RUNDC3A: variants seen among roughly 807,000 people sequenced by gnomAD.
RUNDC3A encodes the protein RUN domain-containing protein 3A.
In RUNDC3A, 28 loss-of-function variants were observed where a neutral mutation model predicts 53.9. The observed-to-expected ratio is 0.52, with a 90% confidence interval of 0.38 to 0.71. The LOEUF is 0.71. Ranked by LOEUF, RUNDC3A falls within the 30% of genes least tolerant of loss-of-function variation. RUNDC3A has a pLI of 0.00. For synonymous variants in RUNDC3A, 232 were observed against 249.4 expected, an observed-to-expected ratio of 0.93 and a Z score of 0.66; for missense variants, 491 against 597.3, an observed-to-expected ratio of 0.82 and a Z score of 1.85.
At position 44,315,773 on chromosome 17, in the gene RUNDC3A, A is replaced by G. The variant is rs999459798; in HGVS notation, c.953+164A>G. 3 of 541,386 alleles carry G rather than the reference A, an allele frequency of 5.5e-6. No individual in the cohort carries two copies. The highest frequency in any genetic ancestry group is 8.7e-6 in the Non-Finnish European group (3 of 343,462). 33.5% of individuals were successfully genotyped at this position (541,386 alleles called of 1,614,324 possible). Reference sequence around the variant, plus strand: ...CCAGCCCCACCCCGAGATGCCCACAATGATCTTCTAACATTGCCCCCAGCA... The same window carrying G: ...CCAGCCCCACCCCGAGATGCCCACAGTGATCTTCTAACATTGCCCCCAGCA... On this transcript the variant is annotated intron_variant, in intron 8 of 10. Transcript: ENST00000426726. This position sits in a 1 kb window ranked among gnomAD's most constrained non-coding sequence, Gnocchi z 6.1.
In RUNDC3A at chr17:44,316,659, A is replaced by C; in HGVS notation, c.1132A>C (p.Ser378Arg). Reference protein sequence around the residue: ...MSTEPLSAEASLSSDSQRLGE... With the variant: ...MSTEPLSAEARLSSDSQRLGE... ...CACGGAGCCGCTGTCAGCTGAAGCC[A>C]GTCTGAGCTCGGACTCCCAGCGCCT... The change falls in exon 10 of 11, where the codon AGT (serine) becomes CGT (arginine). Residue 378 changes from serine (S) to arginine (R), a missense_variant. Physicochemically the swap from Ser to Arg is moderately radical, Grantham distance 110. This residue lies in a region of RUNDC3A where 218 missense variants were observed against 208.2 expected (regional missense o/e 1.05). Transcript: ENST00000426726. 1 of 1,550,768 alleles carries C rather than the reference A, an allele frequency of 6.4e-7. No individual in the cohort carries two copies. Among genetic ancestry groups the C allele is most frequent in the Non-Finnish European group, 8.7e-7 (1 of 1,146,988 alleles).
chr17:44,311,481 C>A (rs1038201129), intron 1 of RUNDC3A: 1 of 360,438 alleles, frequency 2.8e-6, no homozygotes, highest in Non-Finnish European at 3.9e-6. Context: ...GAGAGTAATA[C>A]TAAGAGGACC....
Position 44,308,957 on chromosome 17 carries a change from G to A in RUNDC3A, c.107+18G>A. The A allele has an allele frequency of 6.4e-7, 1 of 1,567,018 alleles. No individual in the cohort carries two copies. Among genetic ancestry groups the A allele is most frequent in the Non-Finnish European group, 8.7e-7 (1 of 1,146,320 alleles). ...GTGTGCAGGTGGGCACCGCTAGTGG[G>A]CGGGGGCTGGGGTGGTGAGGGAGAG... On this transcript the variant is annotated intron_variant, in intron 1 of 10. Coordinates refer to ENST00000426726, the MANE Select transcript of RUNDC3A (RefSeq NM_001144825.2).
Position 44,315,170 on chromosome 17 carries a change from G to A in RUNDC3A, c.645G>A (p.Thr215=). 1 of 1,568,244 alleles carries A rather than the reference G, an allele frequency of 6.4e-7. No homozygotes were observed. The change falls in exon 7 of 11, where the codon ACG becomes ACA. Residue 215 remains threonine, a synonymous_variant. Coordinates refer to ENST00000426726, the MANE Select transcript of RUNDC3A (RefSeq NM_001144825.2). This position sits in a 1 kb window ranked among gnomAD's most constrained non-coding sequence, Gnocchi z 6.1. ...CTCTCCCAAGCTACGACTACCTGAC[G>A]GACGAGGAGGAGCGGCACAGCGCCG... ...LKFTQSYDYL[T]DEEERHSAES...
At chr17:44,317,381 G>T (rs1175928021) in intron 10 of RUNDC3A, 3 of 762,482 alleles carry the variant, frequency 3.9e-6, no homozygotes, top group African/African-American at 3.4e-5. Context: ...ATCCTCGGGG[G>T]CTCACAAACT....
intron 4 of RUNDC3A, 57 bp from the exon 5 acceptor site, chr17:44,314,672 TCTGGGG>T: frequency 4.3e-6 from 2 of 469,738 alleles, no homozygotes; most frequent in Non-Finnish European, 3.5e-6. Context: ...CAATAGCAGC[TCTGGGG>T]GGGGGGGGGG....
intron 8 of RUNDC3A, among the ~76,000 whole-genome samples, chr17:44,316,080 C>A (rs1324374269): frequency 6.6e-6 from 1 of 152,054 alleles, no homozygotes; most frequent in East Asian, 1.9e-4. Flanking sequence ...GCAAGATCCC[C>A]AAGACGATCT....
At chr17:44,311,025 T>G in intron 1 of RUNDC3A, 1 of 985,486 alleles carries the variant, frequency 1.0e-6, no homozygotes, top group Non-Finnish European at 1.2e-6. Flanking sequence ...CAGGTACGAT[T>G]GTTCCCATTT....
In RUNDC3A at chr17:44,315,413, C is replaced by T. The variant is rs1598329594; in HGVS notation, c.796-39C>T. ...GCGGGGATGGGGGCCGCGGCCGGGA[C>T]GTCCTCCCAGCCGCCCGGGCTGAGC... is the stretch of plus-strand genomic sequence containing the variant. On this transcript the variant is annotated intron_variant, in intron 7 of 10. Coordinates refer to ENST00000426726, the MANE Select transcript of RUNDC3A (RefSeq NM_001144825.2). This position sits in a 1 kb window ranked among gnomAD's most constrained non-coding sequence, Gnocchi z 6.1. 1.5e-6 allele frequency: 2 copies of T among 1,358,640 alleles called. No individual in the cohort carries two copies. The highest frequency in any genetic ancestry group is 1.9e-6 in the Non-Finnish European group (2 of 1,052,270). The allele number at this position is 1,358,640 out of a possible 1,614,324, so 84.2% of individuals were successfully genotyped here.
At position 44,308,873 on chromosome 17, in the gene RUNDC3A, T is replaced by C; in HGVS notation, c.41T>C (p.Leu14Pro). ...GTCCAGACCACCATGGCTCTGGGGC[T>C]GTCCTCCAAGAAAGCGTCCTCTCGC... ...SFVQTTMALG[L>P]SSKKASSRNV... Residue 14 changes from leucine (L) to proline (P), a missense_variant, in exon 1 of 11, where the codon CTG becomes CCG. Physicochemically the swap from Leu to Pro is moderately conservative, Grantham distance 98 (BLOSUM62 -3). Around this residue, in one of 2 missense-constraint regions of RUNDC3A, gnomAD observed 273 missense variants for 389.0 expected, o/e 0.70. Transcript: ENST00000426726. The C allele has an allele frequency of 6.2e-7, 1 of 1,612,180 alleles. No individual in the cohort carries two copies. Among genetic ancestry groups the C allele is most frequent in the Non-Finnish European group, 8.5e-7 (1 of 1,179,098 alleles).
At position 44,316,474 on chromosome 17, in the gene RUNDC3A, G is replaced by C. The variant is rs916530588; in HGVS notation, c.1043G>C (p.Gly348Ala). The C allele has an allele frequency of 1.9e-6, 3 of 1,613,476 alleles. No individual in the cohort carries two copies. The highest frequency in any genetic ancestry group is 2.5e-6 in the Non-Finnish European group (3 of 1,179,858). ...CTGGTCAATCAATGGCCCTCACTGG[G>C]AACGCTTAATGGGGCCGAGGGCGCC... ...TPLVNQWPSL[G>A]TLNGAEGASN... The change falls in exon 9 of 11, where the codon GGA becomes GCA. Residue 348 changes from glycine (G) to alanine (A), a missense_variant. Coordinates refer to ENST00000426726, the MANE Select transcript of RUNDC3A (RefSeq NM_001144825.2).
At position 44,312,670 on chromosome 17, in the gene RUNDC3A, G is replaced by A. The variant is rs1448939448; in HGVS notation, c.198G>A (p.Glu66=). The A allele has an allele frequency of 6.3e-7, 1 of 1,577,506 alleles. No individual in the cohort carries two copies. The change falls in exon 2 of 11, where the codon GAG becomes GAA. Residue 66 remains glutamate, a synonymous_variant. Transcript: ENST00000426726. ...EEFVNFAAIL[E]QILSHRFKAC... is the part of the protein sequence containing the mutation. ...TTGTCAATTTTGCAGCCATTTTAGA[G>A]CAGATCCTCAGCCACCGCTTCAAAG...
Position 44,316,410 on chromosome 17 carries a change from G to T in RUNDC3A, c.979G>T (p.Ala327Ser). 2 of 1,613,346 alleles carry T rather than the reference G, an allele frequency of 1.2e-6. No homozygotes were observed. Among genetic ancestry groups the T allele is most frequent in the Non-Finnish European group, 1.7e-6 (2 of 1,179,658 alleles). ...QLTGLIPSDH[A>S]PLAQGSKELT... ...GACAGGTCTGATCCCCAGTGACCAC[G>T]CCCCTCTGGCCCAGGGTTCCAAGGA... The change falls in exon 9 of 11, where the codon GCC becomes TCC. Residue 327 changes from alanine to serine, a missense_variant. Transcript: ENST00000426726.
In RUNDC3A at chr17:44,318,188, T is replaced by C; in HGVS notation, c.1291T>C (p.Cys431Arg). The change falls in exon 11 of 11, where the codon TGC becomes CGC. Residue 431 changes from cysteine (C) to arginine (R), a missense_variant. Cys to Arg is a radical substitution (Grantham distance 180). Around this residue, in one of 2 missense-constraint regions of RUNDC3A, gnomAD observed 218 missense variants for 208.2 expected, o/e 1.05. Coordinates refer to ENST00000426726, the MANE Select transcript of RUNDC3A (RefSeq NM_001144825.2). ...CCTGGCGAGCTTCAAATCCAACGAGTGCCTGGTGAGCGACAGTCCCGAGGG... is the reference window on the plus strand; with the variant it reads ...CCTGGCGAGCTTCAAATCCAACGAGCGCCTGGTGAGCGACAGTCCCGAGGG... ...KSLASFKSNE[C>R]LVSDSPEGSP... 4 of 1,551,264 alleles carry C rather than the reference T, an allele frequency of 2.6e-6. No individual in the cohort carries two copies. The highest frequency in any genetic ancestry group is 3.5e-6 in the Non-Finnish European group (4 of 1,146,940).
At position 44,313,498 on chromosome 17, in the gene RUNDC3A, C is replaced by A; in HGVS notation, c.453C>A (p.Thr151=). The change falls in exon 4 of 11, where the codon ACC becomes ACA. Residue 151 remains threonine (T), a synonymous_variant. Coordinates refer to ENST00000426726, the MANE Select transcript of RUNDC3A (RefSeq NM_001144825.2). ...CCACGGCTCTGCGTGACACCCGGAC[C>A]ACCAGGTCAGACTTCCCAGGCAACT... ...YITTALRDTR[T]TRRFYDSGAI... The A allele has an allele frequency of 6.2e-7, 1 of 1,608,310 alleles. No individual in the cohort carries two copies. Among genetic ancestry groups the A allele is most frequent in the Non-Finnish European group, 8.5e-7 (1 of 1,175,312 alleles).
rs1398416997 is a variant in RUNDC3A, at chr17:44,308,732, C to T, written c.-101C>T. 2.8e-6 allele frequency: 2 copies of T among 711,000 alleles called. No homozygotes were observed. Among genetic ancestry groups the T allele is most frequent in the Non-Finnish European group, 4.4e-6 (2 of 450,276 alleles). 44.0% of individuals were successfully genotyped at this position (711,000 alleles called of 1,614,324 possible). On this transcript the variant is annotated 5_prime_UTR_variant, in exon 1 of 11. Coordinates refer to ENST00000426726, the MANE Select transcript of RUNDC3A (RefSeq NM_001144825.2). ...GGATGGCCATGGAAGGGTTGAGGGGCCCCGTCGGACAGAGGGCCCAGCCGT... is the reference window on the plus strand; with the variant it reads ...GGATGGCCATGGAAGGGTTGAGGGGTCCCGTCGGACAGAGGGCCCAGCCGT...
chr17:44,309,468 G>A (rs1347595826), intron 1 of RUNDC3A, among the ~76,000 whole-genome samples: 4 of 152,202 alleles, frequency 2.6e-5, no homozygotes, highest in Non-Finnish European at 4.4e-5. Flanking sequence ...CACCCAAGAC[G>A]TGGGAAGGAC....
rs548670662 is a variant in RUNDC3A, at chr17:44,311,022, G to A, written c.108-1558G>A. ...AACCAAAATGTAATGAGGCAGGTAC[G>A]ATTGTTCCCATTTGCATTTGACAAG... is the stretch of plus-strand genomic sequence containing the variant. On this transcript the variant is annotated intron_variant, in intron 1 of 10. Transcript: ENST00000426726. 360 of 985,470 alleles carry A rather than the reference G, an allele frequency of 3.7e-4. 7 individuals are homozygous for A. The South Asian group carries it at 0.014, about 38-fold the overall frequency. 61.0% of individuals were successfully genotyped at this position (985,470 alleles called of 1,614,324 possible).
At chr17:44,314,302 C>T (rs1015744393) in intron 4 of RUNDC3A, 23 of 1,021,698 alleles carry the variant, frequency 2.3e-5, no homozygotes, top group Non-Finnish European at 2.7e-5. Context: ...GCATCTGAAG[C>T]TGTCTGGGTG....
Sources: allele counts gnomAD v4.1 joint callset (sites outside exome capture counted in the v4.1 genomes callset), GRCh38; gene constraint gnomAD v4.1.1; regional missense constraint gnomAD v4.1.1; non-coding constraint Gnocchi (gnomAD v3.1); transcripts MANE v1.5; gene names NCBI Gene and HGNC (gene_info 2026-07-23, HGNC 2026-07-21).